Variants in CNTNAP2 observed in about 807,000 individuals in gnomAD.
The protein encoded by CNTNAP2 is contactin associated protein 2.
Under a neutral mutation model 155.2 loss-of-function variants are expected in CNTNAP2, and 98 were observed. The ratio of observed to expected loss-of-function variants is 0.63; its 90% CI spans 0.54 to 0.75. The LOEUF is 0.75. CNTNAP2 is among the 30% of genes least tolerant of loss of function. The probability of loss-of-function intolerance (pLI) is 0.00; values close to 1 mark genes in which losing one functional copy is unlikely to be tolerated. For synonymous variants in CNTNAP2, 651 were observed against 631.2 expected (o/e 1.03, Z -0.47); for missense variants, 1,727 against 1,688.1 (o/e 1.02, Z -0.40).
intron 13 of CNTNAP2, among the ~76,000 whole-genome samples, chr7:147,678,074 A>G (rs972076000): frequency 6.6e-6 from 1 of 151,882 alleles, no homozygotes; most frequent in Admixed American, 6.6e-5. Context: ...CAAATAATTG[A>G]TAACCTAAAC....
intron 2 of CNTNAP2, among the ~76,000 whole-genome samples, chr7:146,786,344 T>C (rs117265413): frequency 0.017 from 2,593 of 152,352 alleles, 36 homozygotes; most frequent in Non-Finnish European, 0.027. Flanking sequence ...CAGGTCATAC[T>C]TATTAAAATG....
At position 147,488,409 on chromosome 7, in the gene CNTNAP2, C is replaced by T. The variant is rs79393365; in HGVS notation, c.1777+2368C>T. Among the ~76,000 whole-genome samples, 1,239 of 152,234 alleles carry T rather than the reference C, an allele frequency of 8.1e-3. 20 individuals carry two copies. Among genetic ancestry groups the T allele is most frequent in the African/African-American group, 0.029 (1,187 of 41,554 alleles). On this transcript the variant is annotated intron_variant, in intron 11 of 23. Coordinates refer to ENST00000361727, the MANE Select transcript of CNTNAP2 (RefSeq NM_014141.6). ...TCTTGGTATTCTACAAGCCAGTGAG[C>T]TGAGATTTGCAGTTGCTTATTCTGT...
At chr7:147,075,065 T>C (rs1799969460) in intron 4 of CNTNAP2, among the ~76,000 whole-genome samples, 1 of 152,192 alleles carries the variant, frequency 6.6e-6, no homozygotes, top group Admixed American at 6.5e-5. Flanking sequence ...TATTCTCTGA[T>C]TGTTGAATAT....
chr7:146,166,217 C>A (rs749388363), intron 1 of CNTNAP2, among the ~76,000 whole-genome samples: 16 of 152,046 alleles, frequency 1.1e-4, no homozygotes, highest in Non-Finnish European at 2.1e-4. Flanking sequence ...CCTCAGTCTC[C>A]CAAGTAGCTG....
At chr7:147,747,203 G>C (rs1393359595) in intron 13 of CNTNAP2, among the ~76,000 whole-genome samples, 1 of 152,238 alleles carries the variant, frequency 6.6e-6, no homozygotes, top group African/African-American at 2.4e-5. Flanking sequence ...ATCTCGATTA[G>C]CACATCTAGG....
At chr7:147,261,371 T>C (rs1041805835) in intron 8 of CNTNAP2, among the ~76,000 whole-genome samples, 5 of 152,188 alleles carry the variant, frequency 3.3e-5, no homozygotes, top group African/African-American at 1.2e-4. Flanking sequence ...GTTCACCTTC[T>C]GAAAACACAC....
intron 15 of CNTNAP2, among the ~76,000 whole-genome samples, chr7:148,017,995 C>A (rs757289902): frequency 2.0e-5 from 3 of 152,204 alleles, no homozygotes; most frequent in Non-Finnish European, 2.9e-5. Flanking sequence ...AAACACAAAA[C>A]GCTTTCTGTT....
chr7:148,140,779 C>G (rs1805049755), intron 16 of CNTNAP2, among the ~76,000 whole-genome samples: 1 of 152,218 alleles, frequency 6.6e-6, no homozygotes, highest in African/African-American at 2.4e-5. Context: ...CAATGTTAGA[C>G]TATCTGGAAT....
chr7:148,272,287 A>C (rs1274725246), intron 21 of CNTNAP2, among the ~76,000 whole-genome samples: 1 of 152,240 alleles, frequency 6.6e-6, no homozygotes, highest in Non-Finnish European at 1.5e-5. Context: ...AGTTATGTCC[A>C]TCTTTCATCC....
In CNTNAP2 at chr7:147,541,358, A is replaced by G. The variant is rs376319141; in HGVS notation, c.1778-20780A>G. ...CTCCTTTGAAAATGGAAAGAATAATACCTTCCTCATAGGATTACTGTGACA... is the reference window on the plus strand; with the variant it reads ...CTCCTTTGAAAATGGAAAGAATAATGCCTTCCTCATAGGATTACTGTGACA... On this transcript the variant is annotated intron_variant, in intron 11 of 23. Transcript: ENST00000361727. Among the ~76,000 whole-genome samples, 8 of 152,188 alleles carry G rather than the reference A, an allele frequency of 5.3e-5. No individual in the cohort carries two copies. The South Asian group carries it at 1.7e-3, about 32-fold the overall frequency.
intron 1 of CNTNAP2, among the ~76,000 whole-genome samples, chr7:146,614,424 A>G (rs535047675): frequency 6.6e-6 from 1 of 152,334 alleles, no homozygotes; most frequent in African/African-American, 2.4e-5. Context: ...TCAACCTGGC[A>G]TATAACATGT....
chr7:146,713,867 T>C (rs1218174927), intron 1 of CNTNAP2, among the ~76,000 whole-genome samples: 1 of 152,144 alleles, frequency 6.6e-6, no homozygotes, highest in Non-Finnish European at 1.5e-5. Context: ...CATCACCTCC[T>C]GTTTCCTATC....
At position 147,213,310 on chromosome 7, in the gene CNTNAP2, T is replaced by A. The variant is rs141989811; in HGVS notation, c.1348+80801T>A. On this transcript the variant is annotated intron_variant, in intron 8 of 23. Coordinates refer to ENST00000361727, the MANE Select transcript of CNTNAP2 (RefSeq NM_014141.6). ...ATGGATTAAATAATGTCTATCCACA[T>A]TGGTGAGGGCCATCTTCTTTACTCA... Among the ~76,000 whole-genome samples the A allele has an allele frequency of 7.1e-3, 1,081 of 152,260 alleles. 19 individuals are homozygous for A. The highest frequency in any genetic ancestry group is 0.025 in the African/African-American group (1,020 of 41,548).
chr7:146,591,253 C>A (rs1798777990), intron 1 of CNTNAP2, among the ~76,000 whole-genome samples: 1 of 152,074 alleles, frequency 6.6e-6, no homozygotes, highest in Non-Finnish European at 1.5e-5. Flanking sequence ...TACAAATATT[C>A]CAAAATCTGA....
intron 1 of CNTNAP2, among the ~76,000 whole-genome samples, chr7:146,154,389 A>G (rs1437686869): frequency 6.6e-6 from 1 of 152,182 alleles, no homozygotes; most frequent in Non-Finnish European, 1.5e-5. Flanking sequence ...TTGATTCCAG[A>G]ATTTGTTTCA....
chr7:147,405,586 C>T (rs978337187), intron 10 of CNTNAP2, among the ~76,000 whole-genome samples: 2 of 152,100 alleles, frequency 1.3e-5, no homozygotes, highest in East Asian at 1.9e-4. Context: ...AATGCATATG[C>T]AAGTCATACT....
intron 14 of CNTNAP2, among the ~76,000 whole-genome samples, chr7:147,909,715 C>A (rs572687221): frequency 6.6e-6 from 1 of 152,142 alleles, no homozygotes; most frequent in African/African-American, 2.4e-5. Context: ...ACTCAATGAG[C>A]TAAATCACCA....
intron 1 of CNTNAP2, among the ~76,000 whole-genome samples, chr7:146,285,650 C>A (rs927568141): frequency 6.7e-6 from 1 of 149,838 alleles, no homozygotes; most frequent in East Asian, 2.0e-4. Context: ...CTGAAGTTTT[C>A]TTTATTTTTC....
chr7:147,325,274 T>G (rs1309655795), intron 9 of CNTNAP2, among the ~76,000 whole-genome samples: 1 of 152,126 alleles, frequency 6.6e-6, no homozygotes, highest in African/African-American at 2.4e-5. Context: ...CACTCCAGTC[T>G]GGGATGGGAG....
Sources: gnomAD v4.1 joint callset for allele counts (sites outside exome capture counted in the v4.1 genomes callset) on GRCh38, gnomAD v4.1.1 for gene constraint, MANE v1.5 for transcripts, NCBI Gene and HGNC (gene_info 2026-07-23, HGNC 2026-07-21) for gene names.